The following NGEF variants were observed in gnomAD, a reference collection of about 807,000 sequenced individuals.
NGEF encodes the protein ephexin-1.
NGEF carries 31 observed loss-of-function variants against 80.9 expected under a neutral mutation model. That is an observed-to-expected ratio of 0.38 (90% CI 0.29 to 0.52). NGEF has a LOEUF of 0.52. NGEF is among the 20% of genes least tolerant of loss of function. The pLI is 0.84. For synonymous variants in NGEF, 371 were observed against 370.2 expected (o/e 1.00, Z -0.03); for missense variants, 709 against 926.2 (o/e 0.77, Z 3.04).
At chr2:232,979,605 C>T (rs1694368167) in intron 1 of NGEF, among the ~76,000 whole-genome samples, 1 of 152,196 alleles carries the variant, frequency 6.6e-6, no homozygotes, top group East Asian at 1.9e-4. Flanking sequence ...CCATGTCTTT[C>T]TATTCCATGG....
At chr2:232,927,352 G>T (rs1266656207) in intron 3 of NGEF, among the ~76,000 whole-genome samples, 166 bp from the exon 4 acceptor site, 1 of 152,156 alleles carries the variant, frequency 6.6e-6, no homozygotes, top group Non-Finnish European at 1.5e-5. Context: ...GGCCGGGCGG[G>T]CCCCAAAAGC....
At chr2:232,957,999 A>T (rs1307127041) in intron 3 of NGEF, among the ~76,000 whole-genome samples, 2 of 152,234 alleles carry the variant, frequency 1.3e-5, no homozygotes. Context: ...GTAAAAATAG[A>T]AACGGTTTCA....
chr2:232,900,109 C>T (rs897195696), intron 5 of NGEF, among the ~76,000 whole-genome samples: 2 of 147,360 alleles, frequency 1.4e-5, no homozygotes, highest in Non-Finnish European at 1.5e-5. Flanking sequence ...TGCTCTCAGT[C>T]ACTCATATAC....
chr2:232,903,657 G>A (rs550615070), intron 5 of NGEF, among the ~76,000 whole-genome samples: 5 of 152,258 alleles, frequency 3.3e-5, no homozygotes, highest in South Asian at 4.1e-4. Flanking sequence ...GCTTTCTAAC[G>A]CCTAGCTGAC....
chr2:232,899,805 C>CAT (rs1559199061), intron 5 of NGEF, among the ~76,000 whole-genome samples: 2 of 136,620 alleles, frequency 1.5e-5, no homozygotes, highest in African/African-American at 5.4e-5. Flanking sequence ...CTCACACACA[C>CAT]GCTCTCAGTC....
chr2:232,974,709 CT>C lies in NGEF; in HGVS notation c.181del (p.Arg61GlufsTer9), dbSNP rs766965409. 4 of 1,614,218 alleles carry C rather than the reference CT, an allele frequency of 2.5e-6. No individual in the cohort carries two copies. The highest frequency in any genetic ancestry group is 3.4e-6 in the Non-Finnish European group (4 of 1,180,044). ...KEPHCHIPIKRNSIFNRSIRR... is the reference protein window; with the variant it reads ...KEPHCHIPIKXNSIFNRSIRR... The stretch of plus-strand genomic sequence containing the variant: ...TATGGAGCGATTGAAGATGGAATTT[CT>C]CTTAATTGGGATGTGGCAATGAGGC... On this transcript the variant is annotated frameshift_variant, in exon 2 of 15. Transcript: ENST00000264051. LOFTEE classifies it high-confidence loss of function.
chr2:232,955,069 C>G (rs73995740), intron 3 of NGEF, among the ~76,000 whole-genome samples: 5,727 of 152,180 alleles, frequency 0.038, 379 homozygotes, highest in African/African-American at 0.13. Flanking sequence ...CAGAGAAAGC[C>G]GAAATAACCT....
Position 232,974,725 on chromosome 2 carries a change from G to A in NGEF, c.166C>T (p.His56Tyr), listed in dbSNP as rs778189337. Residue 56 changes from histidine (H) to tyrosine (Y), a missense_variant, in exon 2 of 15, where the codon CAC becomes TAC. By Grantham distance (83) the His-to-Tyr change is moderately conservative. Transcript: ENST00000264051. ...QDIQDKEPHC[H>Y]IPIKRNSIFN... ...ATGGAATTTCTCTTAATTGGGATGT[G>A]GCAATGAGGCTCTTTGTCTTGGATA... 14 of 1,614,124 alleles carry A rather than the reference G, an allele frequency of 8.7e-6. No individual in the cohort carries two copies. Among genetic ancestry groups the A allele is most frequent in the Non-Finnish European group, 1.2e-5 (14 of 1,180,048 alleles).
Position 232,944,303 on chromosome 2 carries a change from G to T in NGEF, c.384-17117C>A, listed in dbSNP as rs143503358. On this transcript the variant is annotated intron_variant, in intron 3 of 14. Coordinates refer to ENST00000264051, the MANE Select transcript of NGEF (RefSeq NM_019850.3). ...TGCATTTACCCTTCCACCCAGTGAC[G>T]CCACATCTAATAATTGCCCTGCAGA... Among the ~76,000 whole-genome samples the T allele has an allele frequency of 3.7e-3, 565 of 152,196 alleles. 7 individuals are homozygous for T. The highest frequency in any genetic ancestry group is 0.013 in the African/African-American group (546 of 41,504).
intron 5 of NGEF, among the ~76,000 whole-genome samples, 182 bp downstream of exon 5, chr2:232,920,102 G>A (rs188682503): frequency 1.3e-5 from 2 of 152,200 alleles, no homozygotes; most frequent in African/African-American, 4.8e-5. Context: ...AGGTAGCTGG[G>A]TGTCTCTTGC....
At chr2:232,987,652 G>T (rs1015235612) in intron 1 of NGEF, among the ~76,000 whole-genome samples, 1 of 152,112 alleles carries the variant, frequency 6.6e-6, no homozygotes, top group African/African-American at 2.4e-5. Flanking sequence ...AGAGCCTAGG[G>T]TTATGGTGCT....
intron 1 of NGEF, among the ~76,000 whole-genome samples, chr2:232,982,469 T>G (rs982697587): frequency 1.3e-5 from 2 of 152,162 alleles, no homozygotes; most frequent in Non-Finnish European, 2.9e-5. Context: ...TCCTGGTCCT[T>G]GAATTGGTAC....
At position 232,974,836 on chromosome 2, in the gene NGEF, C is replaced by G. The variant is rs751529938; in HGVS notation, c.55G>C (p.Asp19His). The change falls in exon 2 of 15, where the codon GAT becomes CAT. Residue 19 changes from aspartate to histidine, a missense_variant. Around this residue, in one of 2 missense-constraint regions of NGEF, gnomAD observed 283 missense variants for 303.4 expected, o/e 0.93. Transcript: ENST00000264051. The stretch of plus-strand genomic sequence containing the variant: ...GGTTCATTATCAGTGTTCCATTGAT[C>G]ACTTGCTGATTTCCTCCGGGTCTTT... Reference protein sequence around the residue: ...LEKTRRKSASDQWNTDNEPAK... With the variant: ...LEKTRRKSASHQWNTDNEPAK... 21 of 1,614,000 alleles carry G rather than the reference C, an allele frequency of 1.3e-5. No individual in the cohort carries two copies. Among genetic ancestry groups the G allele is most frequent in the Non-Finnish European group, 1.6e-5 (19 of 1,179,976 alleles).
In NGEF at chr2:232,920,554, C is replaced by T. The variant is rs117250667; in HGVS notation, c.558G>A (p.Ser186=). The change falls in exon 5 of 15, where the codon TCG becomes TCA. Residue 186 remains serine, a synonymous_variant. Coordinates refer to ENST00000264051, the MANE Select transcript of NGEF (RefSeq NM_019850.3). The stretch of plus-strand genomic sequence containing the variant: ...TCCTGGTTTCGATTTCTTGGAGAGT[C>T]GATTTATCTCGGTATTCCTGATACA... The part of the protein sequence containing the change: ...GLLYQEYRDK[S]TLQEIETRRQ... The T allele has an allele frequency of 9.8e-6, 15 of 1,536,506 alleles. No homozygotes were observed. The highest frequency in any genetic ancestry group is 9.2e-5 in the East Asian group (4 of 43,312).
At chr2:232,976,059 G>T (rs192584542) in intron 1 of NGEF, among the ~76,000 whole-genome samples, 1 of 152,198 alleles carries the variant, frequency 6.6e-6, no homozygotes, top group Non-Finnish European at 1.5e-5. Context: ...AAATTAGCTG[G>T]GTTTGGTGGC....
intron 5 of NGEF, among the ~76,000 whole-genome samples, chr2:232,905,189 T>C (rs1325201184): frequency 6.6e-6 from 1 of 152,160 alleles, no homozygotes; most frequent in Non-Finnish European, 1.5e-5. Flanking sequence ...CTCGGCTCAC[T>C]GCAACCTCCC....
intron 2 of NGEF, among the ~76,000 whole-genome samples, chr2:232,974,338 A>G (rs1049458880): frequency 6.6e-6 from 1 of 152,052 alleles, no homozygotes; most frequent in Non-Finnish European, 1.5e-5. Context: ...GAATGCATGT[A>G]CAGCGAGGGG....
At chr2:232,879,702 GA>G in intron 14 of NGEF, 23 bp from the exon 15 acceptor site, 1 of 1,600,156 alleles carries the variant, frequency 6.2e-7, no homozygotes, top group Non-Finnish European at 8.5e-7. Context: ...GGGAGGGAGA[GA>G]AGGTCAGTGC....
intron 3 of NGEF, among the ~76,000 whole-genome samples, chr2:232,943,958 C>T (rs1027347726): frequency 2.6e-5 from 4 of 151,694 alleles, no homozygotes; most frequent in Admixed American, 2.0e-4. Context: ...GCAGGCCGGG[C>T]GCGGTGGCTC....
Sources: gnomAD v4.1 joint callset for allele counts (sites outside exome capture counted in the v4.1 genomes callset) on GRCh38, gnomAD v4.1.1 for gene constraint, gnomAD v4.1.1 regional missense constraint, MANE v1.5 for transcripts, NCBI Gene and HGNC (gene_info 2026-07-23, HGNC 2026-07-21) for gene names.